TAFA1: variants seen among roughly 807,000 people sequenced by gnomAD.
The protein encoded by TAFA1 is TAFA chemokine like family member 1.
A neutral mutation model predicts 18.5 loss-of-function variants in TAFA1; 4 were observed. The observed-to-expected ratio is 0.22, with a 90% CI of 0.11 to 0.49. TAFA1 has a LOEUF of 0.49. TAFA1 is among the 20% of genes least tolerant of loss of function. The probability of loss-of-function intolerance (pLI) is 0.98; values close to 1 mark genes in which losing one functional copy is unlikely to be tolerated. For synonymous variants in TAFA1, 56 were observed against 55.2 expected (o/e 1.01, Z -0.06); for missense variants, 147 against 169.0 (o/e 0.87, Z 0.72).
intron 2 of TAFA1, among the ~76,000 whole-genome samples, chr3:68,182,349 A>G (rs2066214411): frequency 6.6e-6 from 1 of 152,176 alleles, no homozygotes; most frequent in African/African-American, 2.4e-5. Context: ...CCAGTGTTGT[A>G]CTGTGTATTG....
At chr3:68,386,186 C>T (rs541412468) in intron 2 of TAFA1, among the ~76,000 whole-genome samples, 2 of 152,116 alleles carry the variant, frequency 1.3e-5, no homozygotes, top group Non-Finnish European at 2.9e-5. Context: ...ACGATAGATA[C>T]TGTTGTTATC....
At chr3:68,496,544 A>C (rs1373489704) in intron 3 of TAFA1, among the ~76,000 whole-genome samples, 1 of 152,174 alleles carries the variant, frequency 6.6e-6, no homozygotes, top group African/African-American at 2.4e-5. Flanking sequence ...CCAGTCCTAC[A>C]AGTAAGCCAT....
At chr3:68,513,533 A>C (rs954273016) in intron 3 of TAFA1, among the ~76,000 whole-genome samples, 2 of 152,086 alleles carry the variant, frequency 1.3e-5, no homozygotes, top group African/African-American at 4.8e-5. Flanking sequence ...TTTAGCATCA[A>C]CCTCAGAAGT....
chr3:68,285,366 A>G (rs1380633139), intron 2 of TAFA1, among the ~76,000 whole-genome samples: 1 of 152,164 alleles, frequency 6.6e-6, no homozygotes, highest in African/African-American at 2.4e-5. Context: ...ATATATAGAT[A>G]TGTAAAAATT....
intron 2 of TAFA1, among the ~76,000 whole-genome samples, chr3:68,034,400 C>T (rs1414344275): frequency 1.3e-5 from 2 of 152,172 alleles, no homozygotes; most frequent in African/African-American, 4.8e-5. Flanking sequence ...CCATTACTAA[C>T]TTCATTTTAC....
the TAFA1 span, among the ~76,000 whole-genome samples, chr3:67,993,234 C>T: frequency 2.0e-5 from 3 of 152,178 alleles, no homozygotes; most frequent in Non-Finnish European, 4.4e-5. Flanking sequence ...GTGGGATCTG[C>T]AAACAAAAGC....
chr3:68,363,189 A>G (rs1024685656), intron 2 of TAFA1, among the ~76,000 whole-genome samples: 1 of 152,012 alleles, frequency 6.6e-6, no homozygotes, highest in Non-Finnish European at 1.5e-5. Flanking sequence ...TGCCTGGCAC[A>G]TGGTAGGTGT....
chr3:68,253,278 G>A (rs13075996), intron 2 of TAFA1, among the ~76,000 whole-genome samples: 26,720 of 152,074 alleles, frequency 0.18, 2,729 homozygotes, highest in East Asian at 0.48. Flanking sequence ...TACCAGGTAA[G>A]TTGGTATACT....
At chr3:68,273,022 TG>T (rs548668034) in intron 2 of TAFA1, among the ~76,000 whole-genome samples, 4 of 151,880 alleles carry the variant, frequency 2.6e-5, no homozygotes, top group South Asian at 4.2e-4. Context: ...TTGGTGGTGG[TG>T]GGGGGGAATA....
At chr3:68,216,212 G>A (rs748259979) in intron 2 of TAFA1, among the ~76,000 whole-genome samples, 13 of 151,978 alleles carry the variant, frequency 8.6e-5, no homozygotes, top group Non-Finnish European at 1.8e-4. Context: ...CAGAAAAACT[G>A]CTCTGTACGA....
intron 2 of TAFA1, among the ~76,000 whole-genome samples, chr3:68,010,103 T>C (rs950538238): frequency 3.3e-5 from 5 of 152,174 alleles, no homozygotes; most frequent in Admixed American, 1.3e-4. Context: ...TCCGCGTGCA[T>C]ACCAAGTATC....
At chr3:68,400,123 CAGG>C (rs2070459358) in intron 2 of TAFA1, among the ~76,000 whole-genome samples, 1 of 152,122 alleles carries the variant, frequency 6.6e-6, no homozygotes, top group Non-Finnish European at 1.5e-5. Context: ...GCTGTTTGGC[CAGG>C]TCACAATCCC....
At chr3:68,118,152 A>C (rs1425746903) in intron 2 of TAFA1, among the ~76,000 whole-genome samples, 1 of 152,166 alleles carries the variant, frequency 6.6e-6, no homozygotes, top group East Asian at 1.9e-4. Flanking sequence ...AACTCACCAT[A>C]ATGTAGAATC....
At position 68,437,902 on chromosome 3, in the gene TAFA1, C is replaced by T. The variant is rs75379327; in HGVS notation, c.259+20482C>T. On this transcript the variant is annotated intron_variant, in intron 3 of 4. Coordinates refer to ENST00000478136, the MANE Select transcript of TAFA1 (RefSeq NM_213609.4). Reference sequence around the variant, plus strand: ...TTGTTCTAGCACCAACTCAAAAGTCCGTCTACTTTTTTGTGAAATCAAAAC... The same window carrying T: ...TTGTTCTAGCACCAACTCAAAAGTCTGTCTACTTTTTTGTGAAATCAAAAC... 2.0e-3 allele frequency among the ~76,000 whole-genome samples: 299 copies of T among 152,162 alleles called. 10 individuals are homozygous for T. The East Asian group carries it at 0.046, about 23-fold the overall frequency.
intron 2 of TAFA1, among the ~76,000 whole-genome samples, chr3:68,282,202 C>A (rs1411811095): frequency 6.6e-6 from 1 of 152,148 alleles, no homozygotes; most frequent in African/African-American, 2.4e-5. Context: ...TCCCATGACA[C>A]ATGGGGATTA....
chr3:68,296,945 G>C (rs1373622700), intron 2 of TAFA1, among the ~76,000 whole-genome samples: 1 of 152,118 alleles, frequency 6.6e-6, no homozygotes, highest in Non-Finnish European at 1.5e-5. Flanking sequence ...ATGTCACAGA[G>C]GCTTCTATAA....
intron 2 of TAFA1, among the ~76,000 whole-genome samples, chr3:68,022,625 T>C (rs536003824): frequency 1.3e-5 from 2 of 152,008 alleles, no homozygotes; most frequent in South Asian, 2.1e-4. Flanking sequence ...GAAACTTACA[T>C]TGTCTTTAGT....
chr3:68,080,981 G>A lies in TAFA1; in HGVS notation c.118+74237G>A, dbSNP rs568039968. On this transcript the variant is annotated intron_variant, in intron 2 of 4. Transcript: ENST00000478136. Reference sequence around the variant, plus strand: ...GACGTAGATTTGGTCTTTTCACATAGTCCCATATTTCTTGGAGGCTTTGCT... The same window carrying A: ...GACGTAGATTTGGTCTTTTCACATAATCCCATATTTCTTGGAGGCTTTGCT... Among the ~76,000 whole-genome samples, 340 of 152,076 alleles carry A rather than the reference G, an allele frequency of 2.2e-3. 1 individual carries two copies. Among genetic ancestry groups the A allele is most frequent in the African/African-American group, 8.0e-3 (331 of 41,480 alleles).
At chr3:68,288,380 C>CA (rs11428801) in intron 2 of TAFA1, among the ~76,000 whole-genome samples, 89,751 of 151,906 alleles carry the variant, frequency 0.59, 27,009 homozygotes, top group East Asian at 0.94. Flanking sequence ...TCAGTGAAAG[C>CA]GAAATGAGCC....
Sources: gnomAD v4.1 joint callset for allele counts (sites outside exome capture counted in the v4.1 genomes callset) on GRCh38, gnomAD v4.1.1 for gene constraint, MANE v1.5 for transcripts, NCBI Gene and HGNC (gene_info 2026-07-23, HGNC 2026-07-21) for gene names.